Variants in WDR59 observed in about 807,000 individuals in gnomAD.
WDR59 encodes the protein GATOR2 complex protein WDR59.
Under a neutral mutation model 131.2 loss-of-function variants are expected in WDR59, and 100 were observed. That is an observed-to-expected ratio of 0.76 (90% CI 0.65 to 0.90). WDR59 has a LOEUF of 0.90. Among genes scored for constraint, WDR59 ranks in the 40% least tolerant of loss-of-function variants. The pLI is 0.00. For missense variants in WDR59, 1,203 were observed against 1,262.2 expected (o/e 0.95, Z 0.71); for synonymous variants, 601 against 466.2 (o/e 1.29, Z -3.72).
chr16:74,949,584 T>A (rs775340551), intron 5 of WDR59, 134 bp downstream of exon 5: 14 of 695,514 alleles, frequency 2.0e-5, no homozygotes, highest in Middle Eastern at 4.4e-4. Flanking sequence ...AATAATATAT[T>A]TGCGCTCAAA....
At chr16:74,965,403 G>A (rs973386530) in intron 2 of WDR59, among the ~76,000 whole-genome samples, 1 of 152,152 alleles carries the variant, frequency 6.6e-6, no homozygotes, top group Non-Finnish European at 1.5e-5. Flanking sequence ...CTCACAGTTA[G>A]TGGCACCGTC....
At position 74,918,002 on chromosome 16, in the gene WDR59, T is replaced by C. The variant is rs376205344; in HGVS notation, c.893A>G (p.Lys298Arg). Residue 298 changes from lysine to arginine, a missense_variant, in exon 11 of 26, where the codon AAG (lysine) becomes AGG (arginine). Transcript: ENST00000262144. ...FQWRKQKEGS[K>R]DYQLVTWSRD... ...GGACCACGTCACCAGTTGATAGTCCTTGGACCCTAGAAATCACCAAATAAG... is the reference window on the plus strand; with the variant it reads ...GGACCACGTCACCAGTTGATAGTCCCTGGACCCTAGAAATCACCAAATAAG... 3 of 1,613,544 alleles carry C rather than the reference T, an allele frequency of 1.9e-6. No homozygotes were observed. Among genetic ancestry groups the C allele is most frequent in the Non-Finnish European group, 2.5e-6 (3 of 1,179,812 alleles).
intron 8 of WDR59, 23 bp from the exon 9 acceptor site, chr16:74,924,026 A>G: frequency 6.2e-7 from 1 of 1,608,548 alleles, no homozygotes; most frequent in Non-Finnish European, 8.5e-7. Flanking sequence ...AAGCAAGATC[A>G]TTTGTGAAAT....
At chr16:74,895,374 T>C (rs1395204645) in intron 18 of WDR59, among the ~76,000 whole-genome samples, 1 of 152,198 alleles carries the variant, frequency 6.6e-6, no homozygotes, top group Non-Finnish European at 1.5e-5. Context: ...GTGATTCTCC[T>C]GCCTCAGCCT....
At chr16:74,932,959 G>A (rs1490364200) in intron 8 of WDR59, among the ~76,000 whole-genome samples, 1 of 152,192 alleles carries the variant, frequency 6.6e-6, no homozygotes, top group Non-Finnish European at 1.5e-5. Context: ...TTATCAAGGA[G>A]AAAAATGGAA....
intron 17 of WDR59, among the ~76,000 whole-genome samples, chr16:74,906,678 T>C (rs185178632): frequency 3.3e-5 from 5 of 152,332 alleles, no homozygotes; most frequent in Admixed American, 3.3e-4. Context: ...ATGGACCTGC[T>C]GACACATGCA....
chr16:74,948,432 G>T, intron 6 of WDR59, 87 bp downstream of exon 6: 1 of 1,238,344 alleles, frequency 8.1e-7, no homozygotes, highest in Non-Finnish European at 1.2e-6. Flanking sequence ...AGATGGAAAG[G>T]AATAGGAAGG....
At chr16:74,983,207 T>G (rs1462077409) in intron 1 of WDR59, among the ~76,000 whole-genome samples, 1 of 151,908 alleles carries the variant, frequency 6.6e-6, no homozygotes, top group Non-Finnish European at 1.5e-5. Context: ...GTGTAGTGGC[T>G]CACACCTGTA....
At chr16:74,942,608 A>T in intron 7 of WDR59, 130 bp downstream of exon 7, 1 of 818,224 alleles carries the variant, frequency 1.2e-6, no homozygotes, top group East Asian at 2.7e-5. Context: ...CTATGAGCTT[A>T]AAATGGTCAT....
chr16:74,967,329 G>A (rs1480968070), intron 1 of WDR59, among the ~76,000 whole-genome samples: 1 of 152,172 alleles, frequency 6.6e-6, no homozygotes, highest in African/African-American at 2.4e-5. Flanking sequence ...ATTCCTCTGT[G>A]CAATTTACAG....
At position 74,872,310 on chromosome 16, in the gene WDR59, T is replaced by G. The variant is rs1281254441; in HGVS notation, c.*1899A>C. 6.6e-6 allele frequency: 1 copy of G among 152,196 alleles called. No individual in the cohort carries two copies. Among genetic ancestry groups the G allele is most frequent in the Non-Finnish European group, 1.5e-5 (1 of 68,038 alleles). 9.4% of individuals were successfully genotyped at this position (152,196 alleles called of 1,614,324 possible). On this transcript the variant is annotated 3_prime_UTR_variant, in exon 26 of 26. Coordinates refer to ENST00000262144, the MANE Select transcript of WDR59 (RefSeq NM_030581.4). Reference sequence around the variant, plus strand: ...CCCTAAGCTAATCTACTTGGAACTGTAAAATTCTAAGAAACAGAAATAGAT... The same window carrying G: ...CCCTAAGCTAATCTACTTGGAACTGGAAAATTCTAAGAAACAGAAATAGAT...
Position 74,916,271 on chromosome 16 carries a change from G to T in WDR59, c.967-12C>A, listed in dbSNP as rs780721834. On this transcript the variant is annotated splice_polypyrimidine_tract_variant and intron_variant, in intron 11 of 25. Transcript: ENST00000262144. ...TCATTTGCACAAAGCTGCAACAAAG[G>T]GTAGAAGATGTAGTTCTAGAGAAGT... 1.9e-6 allele frequency: 3 copies of T among 1,613,450 alleles called. No homozygotes were observed. The African/African-American group carries it at 4.0e-5, about 22-fold the overall frequency.
At chr16:74,924,109 A>T in intron 8 of WDR59, 106 bp from the exon 9 acceptor site, 1 of 1,066,418 alleles carries the variant, frequency 9.4e-7, no homozygotes, top group Non-Finnish European at 1.4e-6. Context: ...CTAAAGATAC[A>T]CTTCAACAAC....
chr16:74,949,679 AC>A, intron 5 of WDR59, 38 bp downstream of exon 5: 1 of 1,588,836 alleles, frequency 6.3e-7, no homozygotes, highest in Non-Finnish European at 8.6e-7. Flanking sequence ...GTCCCAAATC[AC>A]CCCCAACCAA....
At chr16:74,904,324 C>A in intron 17 of WDR59, 1 of 499,888 alleles carries the variant, frequency 2.0e-6, no homozygotes. Flanking sequence ...AATCTACAAA[C>A]TACTAGAATA....
In WDR59 at chr16:74,904,010, A is replaced by G; in HGVS notation, c.1803T>C (p.Ser601=). 2 of 1,612,222 alleles carry G rather than the reference A, an allele frequency of 1.2e-6. No homozygotes were observed. The highest frequency in any genetic ancestry group is 1.7e-6 in the Non-Finnish European group (2 of 1,179,476). Residue 601 remains serine, a synonymous_variant, in exon 18 of 26, where the codon AGT becomes AGC. Transcript: ENST00000262144. ...CTTTCTCGCTGCGAGTGGGGCTCCC[A>G]CTGTATAAACGAAGGTTCCCAGGGG... ...TEAPGNLRLY[S]GSPTRSEKEQ...
chr16:74,966,116 T>C (rs1344067508), intron 1 of WDR59, among the ~76,000 whole-genome samples: 1 of 152,116 alleles, frequency 6.6e-6, no homozygotes, highest in Admixed American at 6.6e-5. Context: ...CATTCATTTT[T>C]GACAATAGGG....
chr16:74,884,472 C>G (rs966085070), intron 25 of WDR59, among the ~76,000 whole-genome samples: 1 of 152,246 alleles, frequency 6.6e-6, no homozygotes, highest in African/African-American at 2.4e-5. Flanking sequence ...CCTCAGCCTC[C>G]TGAGTAGCTG....
rs1204759022 is a variant in WDR59 at position 74,942,735 on chromosome 16, C to T, written c.534+3G>A. ...AATAAGGGCGAAAAAAGAGATTACTCACCCTCTTATCCCATATCCGCACAT... is the reference window on the plus strand; with the variant it reads ...AATAAGGGCGAAAAAAGAGATTACTTACCCTCTTATCCCATATCCGCACAT... On this transcript the variant is annotated splice_donor_region_variant and intron_variant, in intron 7 of 25. Coordinates refer to ENST00000262144, the MANE Select transcript of WDR59 (RefSeq NM_030581.4). 6 of 1,613,680 alleles carry T rather than the reference C, an allele frequency of 3.7e-6. No homozygotes were observed. Among genetic ancestry groups the T allele is most frequent in the Middle Eastern group, 1.6e-4 (1 of 6,080 alleles).
Sources: gnomAD v4.1 joint callset for allele counts (sites outside exome capture counted in the v4.1 genomes callset) on GRCh38, gnomAD v4.1.1 for gene constraint, MANE v1.5 for transcripts, NCBI Gene and HGNC (gene_info 2026-07-23, HGNC 2026-07-21) for gene names.